AP5Z1: variants seen among roughly 807,000 people sequenced by gnomAD.
The protein encoded by AP5Z1 is adaptor related protein complex 5 subunit zeta 1.
Under a neutral mutation model 83.0 loss-of-function variants are expected in AP5Z1, and 106 were observed. That is an observed-to-expected ratio of 1.28 (90% confidence interval 1.09 to 1.50). The LOEUF is 1.50. Ranked by LOEUF, AP5Z1 falls within the 40% of genes most tolerant of loss-of-function variation. The pLI is 0.00. For synonymous variants in AP5Z1, 751 were observed against 514.1 expected (o/e 1.46, Z -6.23); for missense variants, 1,565 against 1,094.2 (o/e 1.43, Z -6.07).
chr7:4,785,153 G>T, intron 7 of AP5Z1, 105 bp downstream of exon 7: 1 of 1,486,592 alleles, frequency 6.7e-7, no homozygotes. Flanking sequence ...CTCCACAGAG[G>T]GGGTCCCTGG....
At position 4,791,218 on chromosome 7, in the gene AP5Z1, G is replaced by A; in HGVS notation, c.2257G>A (p.Glu753Lys). 2 of 1,612,774 alleles carry A rather than the reference G, an allele frequency of 1.2e-6. No individual in the cohort carries two copies. Among genetic ancestry groups the A allele is most frequent in the Non-Finnish European group, 1.7e-6 (2 of 1,179,838 alleles). Reference protein sequence around the residue: ...GAEAIRTRATELLTLLKMPSV... With the variant: ...GAEAIRTRATKLLTLLKMPSV... ...GGAAGCCATCCGTACCCGGGCCACA[G>A]AGCTGCTGACCCTGCTGAAGATGCC... Residue 753 changes from glutamate to lysine, a missense_variant, in exon 17 of 17, where the codon GAG becomes AAG. Transcript: ENST00000649063.
In AP5Z1 at chr7:4,781,253, C is replaced by T. The variant is rs374592930; in HGVS notation, c.120C>T (p.Asp40=). 6.4e-5 allele frequency: 103 copies of T among 1,613,752 alleles called. No homozygotes were observed. The highest frequency in any genetic ancestry group is 8.5e-5 in the Non-Finnish European group (100 of 1,179,826). The stretch of plus-strand genomic sequence containing the variant: ...TGCAGGCGGAGGACTTGGGGCCGGA[C>T]ACCCTCGACTCCCTGCAGAGGCTCT... ...KLLQAEDLGP[D]TLDSLQRLFL... The change falls in exon 2 of 17, where the codon GAC becomes GAT. Residue 40 remains aspartate (D), a synonymous_variant. Transcript: ENST00000649063.
intron 9 of AP5Z1, among the ~76,000 whole-genome samples, chr7:4,786,037 C>G (rs1725802039): frequency 6.6e-6 from 1 of 152,242 alleles, no homozygotes; most frequent in South Asian, 2.1e-4. Context: ...CAGCACCTTC[C>G]AAAGAATGTG....
At chr7:4,779,084 AATAT>A (rs1325693263) in intron 1 of AP5Z1, among the ~76,000 whole-genome samples, 1 of 146,450 alleles carries the variant, frequency 6.8e-6, no homozygotes, top group African/African-American at 2.5e-5. Flanking sequence ...TTTTATATGT[AATAT>A]ATATAAAATA....
chr7:4,776,308 G>A (rs1158834423), intron 1 of AP5Z1, among the ~76,000 whole-genome samples: 1 of 151,678 alleles, frequency 6.6e-6, no homozygotes, highest in Non-Finnish European at 1.5e-5. Context: ...CCAGTAACGA[G>A]TGAGTAGCTC....
chr7:4,788,901 G>A lies in AP5Z1; in HGVS notation c.1657G>A (p.Ala553Thr), dbSNP rs762272279. ...MAGCARVAQCAQAVPTLLQAF... is the reference protein window; with the variant it reads ...MAGCARVAQCTQAVPTLLQAF... ...CGGCTGTGCCCGCGTGGCCCAGTGT[G>A]CCCAGGCCGTGCCCACGCTGCTGCA... Residue 553 changes from alanine (A) to threonine (T), a missense_variant, in exon 13 of 17, where the codon GCC becomes ACC. Physicochemically the swap from Ala to Thr is moderately conservative, Grantham distance 58. Coordinates refer to ENST00000649063, the MANE Select transcript of AP5Z1 (RefSeq NM_014855.3). 1.9e-6 allele frequency: 3 copies of A among 1,611,234 alleles called. No individual in the cohort carries two copies. The highest frequency in any genetic ancestry group is 2.5e-6 in the Non-Finnish European group (3 of 1,179,462).
intron 12 of AP5Z1, 166 bp downstream of exon 12, chr7:4,788,460 C>A: frequency 2.3e-6 from 2 of 860,026 alleles, no homozygotes; most frequent in Non-Finnish European, 3.4e-6. Context: ...TTCTGCACCA[C>A]GGGTCTGCCG....
intron 4 of AP5Z1, 33 bp from the exon 5 acceptor site, chr7:4,783,654 AAC>A (rs1781448023): frequency 6.5e-7 from 1 of 1,537,726 alleles, no homozygotes; most frequent in Admixed American, 2.0e-5. Context: ...TGTAGGATTC[AAC>A]CTCACCTCCC....
At position 4,785,401 on chromosome 7, in the gene AP5Z1, T is replaced by G. The variant is rs1562408062; in HGVS notation, c.932-14T>G. 1.2e-6 allele frequency: 2 copies of G among 1,612,538 alleles called. No homozygotes were observed. The highest frequency in any genetic ancestry group is 1.7e-6 in the Non-Finnish European group (2 of 1,179,264). ...GCTGAGACAGAGCCGGCTGACTTTT[T>G]CCCCTCCTTCCAGGAGCCCTGAGGA... On this transcript the variant is annotated splice_polypyrimidine_tract_variant and intron_variant, in intron 7 of 16. Coordinates refer to ENST00000649063, the MANE Select transcript of AP5Z1 (RefSeq NM_014855.3).
At chr7:4,783,638 G>C (rs1340083450) in intron 4 of AP5Z1, 51 bp from the exon 5 acceptor site, 1 of 1,522,934 alleles carries the variant, frequency 6.6e-7, no homozygotes, top group African/African-American at 1.4e-5. Flanking sequence ...CAACAACCCA[G>C]GCATCTGTAG....
chr7:4,782,412 A>AGAG (rs894933302), intron 3 of AP5Z1, among the ~76,000 whole-genome samples: 1 of 152,076 alleles, frequency 6.6e-6, no homozygotes, highest in African/African-American at 2.4e-5. Context: ...CCTTTGTGTG[A>AGAG]GAGAAGCTGC....
intron 1 of AP5Z1, among the ~76,000 whole-genome samples, chr7:4,775,998 C>T (rs1204507709): frequency 6.6e-6 from 1 of 152,160 alleles, no homozygotes; most frequent in East Asian, 1.9e-4. Context: ...TGAGTGAAAG[C>T]AAGTGGGGTG....
intron 13 of AP5Z1, 188 bp downstream of exon 13, chr7:4,789,139 C>T (rs911437140): frequency 9.0e-6 from 5 of 556,386 alleles, no homozygotes; most frequent in Admixed American, 6.4e-5. Context: ...CTTGTCCCAT[C>T]CCCTTTATTC....
At position 4,788,781 on chromosome 7, in the gene AP5Z1, C is replaced by T. The variant is rs147804956; in HGVS notation, c.1596-59C>T. ...AGAGGGAGCAGTGGCGACGTGGCCC[C>T]GGCCTGCAGTCACCAGGTCGGGGAG... is the stretch of plus-strand genomic sequence containing the variant. On this transcript the variant is annotated intron_variant, in intron 12 of 16. Transcript: ENST00000649063. 2,233 of 1,434,136 alleles carry T rather than the reference C, an allele frequency of 1.6e-3. 22 individuals carry two copies. The African/African-American group carries it at 0.024, about 15-fold the overall frequency. 88.8% of individuals were successfully genotyped at this position (1,434,136 alleles called of 1,614,324 possible).
At position 4,787,665 on chromosome 7, in the gene AP5Z1, C is replaced by G. The variant is rs1781591979; in HGVS notation, c.1343C>G (p.Ser448Cys). The G allele has an allele frequency of 1.3e-6, 2 of 1,553,334 alleles. No homozygotes were observed. Among genetic ancestry groups the G allele is most frequent in the Non-Finnish European group, 1.7e-6 (2 of 1,148,906 alleles). Reference sequence around the variant, plus strand: ...GCCTGGAACAGCCCACCCCTCACCTCCGAGTTTGTGGCGCTCCTCCCGGCC... The same window carrying G: ...GCCTGGAACAGCCCACCCCTCACCTGCGAGTTTGTGGCGCTCCTCCCGGCC... The part of the protein sequence containing the change: ...FLAWNSPPLT[S>C]EFVALLPALV... The change falls in exon 11 of 17, where the codon TCC becomes TGC. Residue 448 changes from serine to cysteine, a missense_variant. Transcript: ENST00000649063.
chr7:4,790,855 G>C lies in AP5Z1; in HGVS notation c.2121G>C (p.Lys707Asn). The change falls in exon 16 of 17, where the codon AAG (lysine) becomes AAC (asparagine). Residue 707 changes from lysine (K) to asparagine (N), a missense_variant. Lys to Asn is a moderately conservative substitution (Grantham distance 94). Coordinates refer to ENST00000649063, the MANE Select transcript of AP5Z1 (RefSeq NM_014855.3). ...VVTVLMTTLTKLASRSQDLIP... is the reference protein window; with the variant it reads ...VVTVLMTTLTNLASRSQDLIP... Reference sequence around the variant, plus strand: ...CCGTGCTGATGACCACGCTGACGAAGCTGGCCTCCCGGAGCCAAGATCTGA... The same window carrying C: ...CCGTGCTGATGACCACGCTGACGAACCTGGCCTCCCGGAGCCAAGATCTGA... 1 of 1,607,796 alleles carries C rather than the reference G, an allele frequency of 6.2e-7. No individual in the cohort carries two copies. Among genetic ancestry groups the C allele is most frequent in the Non-Finnish European group, 8.5e-7 (1 of 1,178,084 alleles).
chr7:4,779,475 T>C (rs1781322565), intron 1 of AP5Z1, among the ~76,000 whole-genome samples: 3 of 145,416 alleles, frequency 2.1e-5, no homozygotes, highest in Non-Finnish European at 4.5e-5. Context: ...TTATATTATA[T>C]ATATATATTT....
Position 4,790,914 on chromosome 7 carries a change from C to G in AP5Z1, c.2153+27C>G, listed in dbSNP as rs1051799190. 2.6e-6 allele frequency: 4 copies of G among 1,558,400 alleles called. No homozygotes were observed. The African/African-American group carries it at 5.5e-5, about 21-fold the overall frequency. ...TGCCTGGTCAGGGAGGGAGCGAAGC[C>G]TTCTGGCTCCTGGGGAAGAGAGGTG... On this transcript the variant is annotated intron_variant, in intron 16 of 16. Coordinates refer to ENST00000649063, the MANE Select transcript of AP5Z1 (RefSeq NM_014855.3).
At chr7:4,779,449 A>G (rs1459492413) in intron 1 of AP5Z1, among the ~76,000 whole-genome samples, 4 of 147,144 alleles carry the variant, frequency 2.7e-5, no homozygotes, top group African/African-American at 9.9e-5. Context: ...ATATAACATT[A>G]TATATAACAT....
Sources: allele counts gnomAD v4.1 joint callset (sites outside exome capture counted in the v4.1 genomes callset), GRCh38; gene constraint gnomAD v4.1.1; transcripts MANE v1.5; gene names NCBI Gene and HGNC (gene_info 2026-07-23, HGNC 2026-07-21).